AGBL1: variants seen among roughly 807,000 people sequenced by gnomAD.
AGBL1 encodes the protein AGBL carboxypeptidase 1.
In AGBL1, 130 loss-of-function variants were observed where a neutral mutation model predicts 118.9. The observed-to-expected ratio is 1.09, with a 90% CI of 0.95 to 1.26. The LOEUF (loss-of-function observed/expected upper bound fraction) is 1.26, where lower values mean the gene tolerates loss of function less well. Ranked by LOEUF, AGBL1 falls within the 50% of genes most tolerant of loss-of-function variation. The pLI is 0.00. For missense variants in AGBL1, 1,584 were observed against 1,298.1 expected, an observed-to-expected ratio of 1.22 and a Z score of -3.38; for synonymous variants, 555 against 478.9, an observed-to-expected ratio of 1.16 and a Z score of -2.08.
chr15:86,574,826 C>T (rs1440167777), intron 21 of AGBL1, among the ~76,000 whole-genome samples: 1 of 151,312 alleles, frequency 6.6e-6, no homozygotes, highest in Non-Finnish European at 1.5e-5. Flanking sequence ...GACCTACCGT[C>T]CTTGGCCTCC....
At chr15:86,797,040 A>G (rs1325023637) in intron 22 of AGBL1, among the ~76,000 whole-genome samples, 1 of 152,226 alleles carries the variant, frequency 6.6e-6, no homozygotes, top group Non-Finnish European at 1.5e-5. Flanking sequence ...CTGGCTGTGC[A>G]CTCAGAAAAG....
At chr15:86,873,503 C>A (rs1359193337) in intron 22 of AGBL1, among the ~76,000 whole-genome samples, 1 of 152,280 alleles carries the variant, frequency 6.6e-6, no homozygotes, top group Non-Finnish European at 1.5e-5. Flanking sequence ...GAAAGACTTA[C>A]ATATTGAAAT....
chr15:86,406,353 A>G (rs1305295966), intron 18 of AGBL1, among the ~76,000 whole-genome samples: 1 of 152,236 alleles, frequency 6.6e-6, no homozygotes, highest in Non-Finnish European at 1.5e-5. Flanking sequence ...CGAGTGCTCA[A>G]CATGCCGTAG....
At chr15:86,443,418 A>C (rs2082087424) in intron 18 of AGBL1, among the ~76,000 whole-genome samples, 1 of 152,334 alleles carries the variant, frequency 6.6e-6, no homozygotes, top group East Asian at 1.9e-4. Flanking sequence ...GGGTATTAGC[A>C]TATCTATCAC....
At chr15:86,964,869 A>T (rs2081033520) in intron 23 of AGBL1, among the ~76,000 whole-genome samples, 1 of 151,996 alleles carries the variant, frequency 6.6e-6, no homozygotes, top group African/African-American at 2.4e-5. Flanking sequence ...CTTATGAGTG[A>T]CAACATGCAG....
intron 24 of AGBL1, among the ~76,000 whole-genome samples, chr15:86,994,351 A>G (rs2081360904): frequency 6.6e-6 from 1 of 152,104 alleles, no homozygotes; most frequent in African/African-American, 2.4e-5. Context: ...TCTACGTCCC[A>G]GGATGGGGTC....
At chr15:86,151,680 A>G (rs1445394992) in intron 3 of AGBL1, among the ~76,000 whole-genome samples, 5 of 152,208 alleles carry the variant, frequency 3.3e-5, no homozygotes, top group African/African-American at 4.8e-5. Flanking sequence ...GGCCAGGACA[A>G]TCAGGCAAGA....
At chr15:86,082,348 G>T (rs1479512050) in intron 1 of AGBL1, among the ~76,000 whole-genome samples, 1 of 152,190 alleles carries the variant, frequency 6.6e-6, no homozygotes. Context: ...AAACCAGTCT[G>T]TCTCTTCTTG....
chr15:86,727,880 C>T lies in AGBL1; in HGVS notation c.3158+53444C>T, dbSNP rs116575154. Among the ~76,000 whole-genome samples the T allele has an allele frequency of 6.2e-3, 944 of 152,184 alleles. 11 individuals are homozygous for T. Among genetic ancestry groups the T allele is most frequent in the African/African-American group, 0.021 (890 of 41,528 alleles). On this transcript the variant is annotated intron_variant, in intron 22 of 22. Transcript: ENST00000614907. The stretch of plus-strand genomic sequence containing the variant: ...TGACTGCTTATCCAGTGAATTTACT[C>T]GGAAATATAAGAACAGGTGCAGTTA...
intron 21 of AGBL1, among the ~76,000 whole-genome samples, chr15:86,581,004 A>G (rs2084165123): frequency 6.6e-6 from 1 of 152,202 alleles, no homozygotes; most frequent in South Asian, 2.1e-4. Flanking sequence ...CCTAGAAATA[A>G]GATCTTCATA....
intron 1 of AGBL1, among the ~76,000 whole-genome samples, chr15:86,082,731 C>G (rs538205213): frequency 1.3e-5 from 2 of 152,236 alleles, no homozygotes; most frequent in Non-Finnish European, 2.9e-5. Flanking sequence ...GCTTCTTTAT[C>G]TCTGTCCCGA....
In AGBL1 at chr15:86,706,199, C is replaced by T. The variant is rs112384623; in HGVS notation, c.3158+31763C>T. 9.1e-3 allele frequency among the ~76,000 whole-genome samples: 1,386 copies of T among 151,712 alleles called. 23 individuals carry two copies. The highest frequency in any genetic ancestry group is 0.03 in the African/African-American group (1,255 of 41,402). On this transcript the variant is annotated intron_variant, in intron 22 of 22. Coordinates refer to ENST00000614907, the MANE Select transcript of AGBL1 (RefSeq NM_001386094.1). Reference sequence around the variant, plus strand: ...ATATATTATATATGTCATAGTTTACCGATCAAAGATAAAATATCGTTTTTA... The same window carrying T: ...ATATATTATATATGTCATAGTTTACTGATCAAAGATAAAATATCGTTTTTA...
intron 5 of AGBL1, among the ~76,000 whole-genome samples, chr15:86,171,937 A>G (rs2077421838): frequency 6.6e-6 from 1 of 152,232 alleles, no homozygotes; most frequent in Non-Finnish European, 1.5e-5. Context: ...AAGTAACTCA[A>G]GAATAAAAAA....
intron 18 of AGBL1, among the ~76,000 whole-genome samples, chr15:86,490,896 A>G (rs939235780): frequency 2.6e-5 from 4 of 152,132 alleles, no homozygotes; most frequent in African/African-American, 9.7e-5. Context: ...TGTGAGCTTC[A>G]GTCTCTTCCT....
At chr15:86,223,707 C>T (rs1597582073) in intron 5 of AGBL1, among the ~76,000 whole-genome samples, 1 of 152,268 alleles carries the variant, frequency 6.6e-6, no homozygotes, top group Admixed American at 6.5e-5. Context: ...TGTGGGTTTG[C>T]ACAGGGGCCT....
chr15:87,004,174 C>G (rs1013530167), intron 24 of AGBL1, among the ~76,000 whole-genome samples: 1 of 152,158 alleles, frequency 6.6e-6, no homozygotes, highest in Non-Finnish European at 1.5e-5. Context: ...TGTCTTTGTT[C>G]TCACTGGTTT....
chr15:86,324,540 A>G (rs2080154776), intron 17 of AGBL1, among the ~76,000 whole-genome samples: 1 of 152,174 alleles, frequency 6.6e-6, no homozygotes, highest in Non-Finnish European at 1.5e-5. Flanking sequence ...CATTCATTCA[A>G]CCAATTTGTA....
At chr15:86,103,613 G>A (rs1896861700) in intron 1 of AGBL1, among the ~76,000 whole-genome samples, 1 of 152,156 alleles carries the variant, frequency 6.6e-6, no homozygotes, top group Non-Finnish European at 1.5e-5. Flanking sequence ...TTCTTCACCT[G>A]TAAACAGTGT....
chr15:86,310,849 TTC>T (rs2079910055), intron 17 of AGBL1, among the ~76,000 whole-genome samples: 3 of 152,174 alleles, frequency 2.0e-5, no homozygotes, highest in African/African-American at 7.2e-5. Flanking sequence ...GGATCATAAA[TTC>T]AAACGTATGT....
Sources: allele counts gnomAD v4.1 joint callset (sites outside exome capture counted in the v4.1 genomes callset), GRCh38; gene constraint gnomAD v4.1.1; transcripts MANE v1.5; gene names NCBI Gene and HGNC (gene_info 2026-07-23, HGNC 2026-07-21).